The following GZF1 variants were observed in gnomAD, a reference collection of about 807,000 sequenced individuals.
GZF1 encodes GDNF-inducible zinc finger protein 1.
GZF1 carries 28 observed loss-of-function variants against 49.4 expected under a neutral mutation model. That is an observed-to-expected ratio of 0.57 (90% CI 0.42 to 0.78). The LOEUF (loss-of-function observed/expected upper bound fraction) is 0.78. Among genes scored for constraint, GZF1 ranks in the 30% least tolerant of loss-of-function variants. The pLI is 0.00. For synonymous variants in GZF1, 364 were observed against 356.0 expected, an observed-to-expected ratio of 1.02 and a Z score of -0.25; for missense variants, 798 against 916.2, an observed-to-expected ratio of 0.87 and a Z score of 1.67.
At chr20:23,362,647 T>C (rs1483335921) in intron 1 of GZF1, 1 of 152,148 alleles carries the variant, frequency 6.6e-6, no homozygotes, top group African/African-American at 2.4e-5. Context: ...TCTGGCCCCG[T>C]GAGCCTCGGG....
chr20:23,361,773 T>G (rs1600524761), upstream of GZF1, among the ~76,000 whole-genome samples: 1 of 152,176 alleles, frequency 6.6e-6, no homozygotes, highest in Non-Finnish European at 1.5e-5. Context: ...GGAAGCCAGC[T>G]GCAGGCCCTG....
intron 3 of GZF1, 32 bp downstream of exon 3, chr20:23,367,129 T>C: frequency 7.1e-7 from 1 of 1,417,506 alleles, no homozygotes; most frequent in Non-Finnish European, 9.9e-7. Context: ...ATTGAATGTC[T>C]TTCCTAGATC....
chr20:23,365,251 G>A lies in GZF1; in HGVS notation c.868G>A (p.Glu290Lys), dbSNP rs1444928157. The part of the protein sequence containing the change: ...EGCQAGAELE[E>K]LSKKAGPEEE... ...TTGCCAGGCAGGTGCTGAGTTGGAG[G>A]AATTGTCAAAGAAAGCAGGGCCGGA... The change falls in exon 2 of 6, where the codon GAA becomes AAA. Residue 290 changes from glutamate to lysine, a missense_variant. By Grantham distance (56) the Glu-to-Lys change is moderately conservative. This residue lies in a region of GZF1 where 247 missense variants were observed against 228.5 expected (regional missense o/e 1.08). Transcript: ENST00000338121. 1 of 1,605,646 alleles carries A rather than the reference G, an allele frequency of 6.2e-7. No homozygotes were observed. Among genetic ancestry groups the A allele is most frequent in the African/African-American group, 1.3e-5 (1 of 74,514 alleles).
In GZF1 at chr20:23,370,641, G is replaced by A. The variant is rs868430348; in HGVS notation, c.*200G>A. On this transcript the variant is annotated 3_prime_UTR_variant, in exon 6 of 6. Coordinates refer to ENST00000338121, the MANE Select transcript of GZF1 (RefSeq NM_022482.5). ...TTCCCTCAAAAATCCTGATCTGCAT[G>A]ATCTCAGCTACTTTATTGACAAAAA... is the stretch of plus-strand genomic sequence containing the variant. 7.8e-5 allele frequency: 45 copies of A among 576,902 alleles called. No individual in the cohort carries two copies. The Middle Eastern group carries it at 2.3e-3, about 29-fold the overall frequency. 35.7% of individuals were successfully genotyped at this position (576,902 alleles called of 1,614,324 possible).
At position 23,364,632 on chromosome 20, in the gene GZF1, G is replaced by C; in HGVS notation, c.249G>C (p.Gln83His). ...TRTNVYLNEVQVADFASFLEF... is the reference protein window; with the variant it reads ...TRTNVYLNEVHVADFASFLEF... The stretch of plus-strand genomic sequence containing the variant: ...CTAATGTCTACTTAAATGAAGTGCA[G>C]GTTGCTGACTTTGCTTCATTTCTTG... The change falls in exon 2 of 6, where the codon CAG becomes CAC. Residue 83 changes from glutamine (Q) to histidine (H), a missense_variant. By Grantham distance (24) the Gln-to-His change is conservative. This residue lies in a region of GZF1 where 105 missense variants were observed against 147.5 expected (regional missense o/e 0.71). Coordinates refer to ENST00000338121, the MANE Select transcript of GZF1 (RefSeq NM_022482.5). The C allele has an allele frequency of 6.2e-7, 1 of 1,614,246 alleles. No homozygotes were observed. Among genetic ancestry groups the C allele is most frequent in the South Asian group, 1.1e-5 (1 of 91,090 alleles).
upstream of GZF1, among the ~76,000 whole-genome samples, chr20:23,361,756 C>T (rs1366661108): frequency 2.0e-5 from 3 of 152,232 alleles, no homozygotes; most frequent in South Asian, 2.1e-4. Flanking sequence ...GTGAGCAGCT[C>T]TTAGTGGGAA....
upstream of GZF1, among the ~76,000 whole-genome samples, chr20:23,361,834 C>G (rs903495756): frequency 3.0e-4 from 46 of 152,204 alleles, no homozygotes; most frequent in African/African-American, 1.1e-3. Flanking sequence ...GCCAGAAGCC[C>G]GGAATGGACG....
chr20:23,365,871 G>A, intron 2 of GZF1, 124 bp downstream of exon 2: 3 of 1,383,650 alleles, frequency 2.2e-6, no homozygotes, highest in Non-Finnish European at 2.8e-6. Flanking sequence ...GGCTTATTTC[G>A]AGACAGCGTT....
chr20:23,368,352 G>T (rs1981652582), intron 3 of GZF1, among the ~76,000 whole-genome samples: 1 of 152,266 alleles, frequency 6.6e-6, no homozygotes, highest in South Asian at 2.1e-4. Context: ...TGCTACTCTA[G>T]AATAGTGATA....
chr20:23,370,048 CAG>C, intron 5 of GZF1, 41 bp from the exon 6 acceptor site: 1 of 1,509,658 alleles, frequency 6.6e-7, no homozygotes. Context: ...TGCACTTGTC[CAG>C]AGACACATTC....
chr20:23,361,956 G>A (rs1980700238), upstream of GZF1, among the ~76,000 whole-genome samples: 1 of 152,210 alleles, frequency 6.6e-6, no homozygotes, highest in Non-Finnish European at 1.5e-5. Flanking sequence ...CGCAGGCCTT[G>A]GCTCGCGGCG....
chr20:23,369,062 A>G, intron 4 of GZF1, 133 bp downstream of exon 4: 1 of 695,214 alleles, frequency 1.4e-6, no homozygotes, highest in Non-Finnish European at 2.3e-6. Context: ...ATGTCATAAT[A>G]GCATTTCTTT....
Position 23,372,467 on chromosome 20 carries a change from C to G in GZF1, c.*2026C>G, listed in dbSNP as rs967613789. 1 of 152,216 alleles carries G rather than the reference C, an allele frequency of 6.6e-6. No individual in the cohort carries two copies. The highest frequency in any genetic ancestry group is 2.4e-5 in the African/African-American group (1 of 41,446). 9.4% of individuals were successfully genotyped at this position (152,216 alleles called of 1,614,324 possible). On this transcript the variant is annotated 3_prime_UTR_variant, in exon 6 of 6. Transcript: ENST00000338121. ...CAGTGGGATCCTGGAGAGGAGAAATCCTGGCCTCTGCTCATGCGCAGGCCA... is the reference window on the plus strand; with the variant it reads ...CAGTGGGATCCTGGAGAGGAGAAATGCTGGCCTCTGCTCATGCGCAGGCCA...
chr20:23,364,234 A>T, intron 1 of GZF1, 129 bp from the exon 2 acceptor site: 1 of 541,704 alleles, frequency 1.8e-6, no homozygotes, highest in Middle Eastern at 4.8e-4. Flanking sequence ...ATGTCATTCG[A>T]ATCTTTACCT....
chr20:23,370,442 G>C lies in GZF1; in HGVS notation c.*1G>C. ...TCACTCTTTGAGCAACATGGAATAAGAGCTTCAAGCAGTTCCCATCCTGTT... is the reference window on the plus strand; with the variant it reads ...TCACTCTTTGAGCAACATGGAATAACAGCTTCAAGCAGTTCCCATCCTGTT... On this transcript the variant is annotated 3_prime_UTR_variant, in exon 6 of 6. Transcript: ENST00000338121. 4.4e-6 allele frequency: 7 copies of C among 1,591,946 alleles called. No individual in the cohort carries two copies. Among genetic ancestry groups the C allele is most frequent in the Non-Finnish European group, 6.0e-6 (7 of 1,160,140 alleles).
In GZF1 at chr20:23,368,922, C is replaced by T. The variant is rs1445014952; in HGVS notation, c.1620C>T (p.Val540=). Residue 540 remains valine, a synonymous_variant, in exon 4 of 6, where the codon GTC becomes GTT. Coordinates refer to ENST00000338121, the MANE Select transcript of GZF1 (RefSeq NM_022482.5). ...QRNSLYQHIK[V]HTGERPYCCD... is the part of the protein sequence containing the mutation. ...ATTCACTGTACCAGCATATTAAAGT[C>T]CACACAGGTATGGTTGGAATGTCCC... The T allele has an allele frequency of 2.5e-6, 4 of 1,611,574 alleles. No individual in the cohort carries two copies. The South Asian group carries it at 4.4e-5, about 18-fold the overall frequency.
At chr20:23,369,297 T>C (rs1329048800) in intron 4 of GZF1, among the ~76,000 whole-genome samples, 2 of 152,196 alleles carry the variant, frequency 1.3e-5, no homozygotes, top group Non-Finnish European at 2.9e-5. Context: ...GTTAGGGGTC[T>C]TGTAATTTTA....
Position 23,365,016 on chromosome 20 carries a change from A to G in GZF1, c.633A>G (p.Val211=), listed in dbSNP as rs1306628207. ...SKDKLDKKKE[V]VKPPYPKIRR... is the part of the protein sequence containing the mutation. ...ACAAACTAGACAAGAAGAAAGAGGT[A>G]GTTAAACCTCCCTACCCTAAAATCA... The change falls in exon 2 of 6, where the codon GTA becomes GTG. Residue 211 remains valine, a synonymous_variant. Coordinates refer to ENST00000338121, the MANE Select transcript of GZF1 (RefSeq NM_022482.5). 1.2e-6 allele frequency: 2 copies of G among 1,614,220 alleles called. No individual in the cohort carries two copies. Among genetic ancestry groups the G allele is most frequent in the Non-Finnish European group, 8.5e-7 (1 of 1,180,040 alleles).
At position 23,370,516 on chromosome 20, in the gene GZF1, A is replaced by T. The variant is rs905827450; in HGVS notation, c.*75A>T. On this transcript the variant is annotated 3_prime_UTR_variant, in exon 6 of 6. Transcript: ENST00000338121. ...CTCAAGATGATGTGGGGCTAAGAAA[A>T]ATAATTGTCCATGTGCAAAGATGTG... The T allele has an allele frequency of 1.0e-6, 1 of 990,394 alleles. No homozygotes were observed. The highest frequency in any genetic ancestry group is 1.6e-5 in the African/African-American group (1 of 61,028). The allele number at this position is 990,394 out of a possible 1,614,324, so 61.4% of individuals were successfully genotyped here.
Sources: allele counts gnomAD v4.1 joint callset (sites outside exome capture counted in the v4.1 genomes callset), GRCh38; gene constraint gnomAD v4.1.1; regional missense constraint gnomAD v4.1.1; transcripts MANE v1.5; gene names NCBI Gene and HGNC (gene_info 2026-07-23, HGNC 2026-07-21).